The following TACC2 variants were observed in gnomAD, a reference collection of about 807,000 sequenced individuals.
The protein encoded by TACC2 is transforming acidic coiled-coil containing protein 2.
A neutral mutation model predicts 227.3 loss-of-function variants in TACC2; 137 were observed. The observed-to-expected ratio is 0.60, with a 90% confidence interval of 0.52 to 0.69. The LOEUF is 0.69. Ranked by LOEUF, TACC2 falls within the 30% of genes least tolerant of loss-of-function variation. The pLI is 0.00. For synonymous variants in TACC2, 1,523 were observed against 1,487.5 expected (o/e 1.02, Z -0.55); for missense variants, 3,470 against 3,694.4 (o/e 0.94, Z 1.57).
rs540020825 is a variant in TACC2 at position 122,068,550 on chromosome 10, G to A, written c.147-14097G>A. On this transcript the variant is annotated intron_variant, in intron 3 of 22. Coordinates refer to ENST00000369005, the MANE Select transcript of TACC2 (RefSeq NM_206862.4). Reference sequence around the variant, plus strand: ...GAGGATTAATCTTCCCCAATACTGAGACAAAACCTGCCTTTGTGCTCAGCA... The same window carrying A: ...GAGGATTAATCTTCCCCAATACTGAAACAAAACCTGCCTTTGTGCTCAGCA... Among the ~76,000 whole-genome samples, 4 of 152,258 alleles carry A rather than the reference G, an allele frequency of 2.6e-5. No homozygotes were observed. The South Asian group carries it at 8.3e-4, about 32-fold the overall frequency.
chr10:122,162,727 C>T (rs2092898143), intron 7 of TACC2, among the ~76,000 whole-genome samples: 1 of 152,176 alleles, frequency 6.6e-6, no homozygotes, highest in South Asian at 2.1e-4. Flanking sequence ...CTGCCAGCTA[C>T]AGAATGGGGC....
chr10:122,008,266 T>TATTATTATTATTA (rs1554958022), intron 1 of TACC2, among the ~76,000 whole-genome samples: 100 of 139,866 alleles, frequency 7.1e-4, no homozygotes, highest in Admixed American at 2.0e-3. Context: ...TTATTATTAT[T>TATTATTATTATTA]TTTTTTTTTT....
intron 2 of TACC2, among the ~76,000 whole-genome samples, chr10:122,030,998 G>A (rs1316268889): frequency 1.3e-5 from 2 of 151,990 alleles, no homozygotes; most frequent in Non-Finnish European, 2.9e-5. Flanking sequence ...AGAAATCTGC[G>A]GGTCAGCCCT....
At chr10:122,133,053 T>G (rs935339967) in intron 6 of TACC2, among the ~76,000 whole-genome samples, 4 of 152,122 alleles carry the variant, frequency 2.6e-5, no homozygotes, top group Non-Finnish European at 5.9e-5. Context: ...ACAGAAACCC[T>G]CCAGTAGAGA....
chr10:122,166,601 G>T (rs992380759), intron 7 of TACC2, among the ~76,000 whole-genome samples: 5 of 152,156 alleles, frequency 3.3e-5, no homozygotes, highest in Non-Finnish European at 7.3e-5. Flanking sequence ...TGCTAGAAAC[G>T]CAGAGCCTCA....
intron 3 of TACC2, among the ~76,000 whole-genome samples, chr10:122,066,301 C>A (rs987326418): frequency 1.4e-5 from 2 of 147,584 alleles, no homozygotes; most frequent in African/African-American, 2.5e-5. Context: ...GAGACAGAGT[C>A]TCTGTCGCAC....
intron 7 of TACC2, among the ~76,000 whole-genome samples, chr10:122,153,795 AT>A (rs2092280596): frequency 6.6e-6 from 1 of 152,232 alleles, no homozygotes; most frequent in Admixed American, 6.5e-5. Flanking sequence ...CAGAGGACTA[AT>A]AACTTCTCAG....
intron 7 of TACC2, among the ~76,000 whole-genome samples, chr10:122,172,622 G>A (rs889335155): frequency 1.3e-5 from 2 of 152,198 alleles, no homozygotes; most frequent in African/African-American, 4.8e-5. Flanking sequence ...GAAAACATCT[G>A]CGCACATTTA....
intron 7 of TACC2, among the ~76,000 whole-genome samples, chr10:122,182,351 G>A (rs1168332772): frequency 1.3e-5 from 2 of 152,236 alleles, no homozygotes; most frequent in Non-Finnish European, 2.9e-5. Context: ...TCAGGAGCAT[G>A]TTATCCATGG....
At position 122,210,659 on chromosome 10, in the gene TACC2, C is replaced by G; in HGVS notation, c.6234C>G (p.Ile2078Met). The part of the protein sequence containing the change: ...TRRKSTDSVP[I>M]SKSTLSRSLS... Reference sequence around the variant, plus strand: ...GGAAGTCCACGGATTCCGTCCCCATCTCTAAGTCTACACTGTCCCGGTCGC... The same window carrying G: ...GGAAGTCCACGGATTCCGTCCCCATGTCTAAGTCTACACTGTCCCGGTCGC... The change falls in exon 9 of 23, where the codon ATC becomes ATG. Residue 2078 changes from isoleucine (I) to methionine (M), a missense_variant. Ile to Met is a conservative substitution (Grantham distance 10). Coordinates refer to ENST00000369005, the MANE Select transcript of TACC2 (RefSeq NM_206862.4). This position sits in a 1 kb window ranked among gnomAD's most constrained non-coding sequence, Gnocchi z 4.6. The G allele has an allele frequency of 6.2e-7, 1 of 1,614,118 alleles. No homozygotes were observed. Among genetic ancestry groups the G allele is most frequent in the Non-Finnish European group, 8.5e-7 (1 of 1,180,034 alleles).
chr10:122,230,352 A>G lies in TACC2; in HGVS notation c.8039A>G (p.Glu2680Gly). 2 of 1,613,934 alleles carry G rather than the reference A, an allele frequency of 1.2e-6. No individual in the cohort carries two copies. The highest frequency in any genetic ancestry group is 1.7e-6 in the Non-Finnish European group (2 of 1,179,892). ...TTTGCCCACACTCCCTGTGGGCAGG[A>G]GGAGTTAGAGTTTGCCATCATGCGG... ...NPPLFAQKLQ[E>G]ELEFAIMRIE... is the part of the protein sequence containing the mutation. The change falls in exon 16 of 23, where the codon GAG becomes GGG. Residue 2680 changes from glutamate (E) to glycine (G), a missense_variant and splice_region_variant. Transcript: ENST00000369005.
chr10:122,109,097 C>G (rs2083287816), intron 5 of TACC2, among the ~76,000 whole-genome samples: 1 of 152,078 alleles, frequency 6.6e-6, no homozygotes, highest in African/African-American at 2.4e-5. Context: ...TTTTCAGTTG[C>G]AAATTGTGCT....
At chr10:122,065,412 A>G (rs1161168432) in intron 3 of TACC2, among the ~76,000 whole-genome samples, 1 of 152,062 alleles carries the variant, frequency 6.6e-6, no homozygotes, top group Non-Finnish European at 1.5e-5. Flanking sequence ...GAAATGTGTT[A>G]TTGTTTCCAA....
intron 16 of TACC2, among the ~76,000 whole-genome samples, chr10:122,234,651 C>T (rs997742652): frequency 4.6e-5 from 7 of 152,130 alleles, no homozygotes; most frequent in African/African-American, 1.2e-4. Context: ...TCCAGGTGGC[C>T]GGGATGAAGG....
At chr10:122,227,701 G>A (rs2095656201) in intron 13 of TACC2, 136 bp from the exon 14 acceptor site, 4 of 945,388 alleles carry the variant, frequency 4.2e-6, no homozygotes, top group South Asian at 1.6e-5. Flanking sequence ...AGGCTGCATG[G>A]CCACTGGAGA....
chr10:122,210,780 A>T lies in TACC2; in HGVS notation c.6355A>T (p.Ser2119Cys). The part of the protein sequence containing the change: ...APDAYSTGSS[S>C]ASSTLKRTKK... ...AGATGCATATAGCACGGGTTCCAGC[A>T]GTGCTTCTAGTACCCTTAAGCGAAC... Residue 2119 changes from serine to cysteine, a missense_variant, in exon 9 of 23, where the codon AGT becomes TGT. By Grantham distance (112) the Ser-to-Cys change is moderately radical. Coordinates refer to ENST00000369005, the MANE Select transcript of TACC2 (RefSeq NM_206862.4). This position sits in a 1 kb window ranked among gnomAD's most constrained non-coding sequence, Gnocchi z 4.6. 1 of 1,613,878 alleles carries T rather than the reference A, an allele frequency of 6.2e-7. No homozygotes were observed. Among genetic ancestry groups the T allele is most frequent in the Non-Finnish European group, 8.5e-7 (1 of 1,180,028 alleles).
In TACC2 at chr10:122,084,111, G is replaced by C; in HGVS notation, c.1611G>C (p.Lys537Asn). 7 of 1,614,052 alleles carry C rather than the reference G, an allele frequency of 4.3e-6. No homozygotes were observed. The highest frequency in any genetic ancestry group is 5.9e-6 in the Non-Finnish European group (7 of 1,179,978). The change falls in exon 4 of 23, where the codon AAG becomes AAC. Residue 537 changes from lysine to asparagine, a missense_variant. Physicochemically the swap from Lys to Asn is moderately conservative, Grantham distance 94. This residue lies in a region of TACC2 where 1,924 missense variants were observed against 1,978.3 expected (regional missense o/e 0.97). Transcript: ENST00000369005. ...QPGAPPPPLP[K>N]APSESARGPP... ...GAGCACCACCCCCTCCTCTTCCCAA[G>C]GCACCAAGTGAAAGTGCCAGAGGGC... is the stretch of plus-strand genomic sequence containing the variant.
At chr10:122,006,388 G>T (rs1955141068) in intron 1 of TACC2, among the ~76,000 whole-genome samples, 1 of 152,146 alleles carries the variant, frequency 6.6e-6, no homozygotes. Context: ...GGCAGAGCTT[G>T]CAGTGAGCCG....
chr10:122,196,933 CAAAAAAA>C (rs58473562), intron 8 of TACC2, among the ~76,000 whole-genome samples: 1 of 78,240 alleles, frequency 1.3e-5, no homozygotes, highest in African/African-American at 5.0e-5. Flanking sequence ...GAGTCCGTCT[CAAAAAAA>C]AAAAAAAAAA....
Sources: gnomAD v4.1 joint callset for allele counts (sites outside exome capture counted in the v4.1 genomes callset) on GRCh38, gnomAD v4.1.1 for gene constraint, gnomAD v4.1.1 regional missense constraint, Gnocchi (gnomAD v3.1) non-coding constraint, MANE v1.5 for transcripts, NCBI Gene and HGNC (gene_info 2026-07-23, HGNC 2026-07-21) for gene names.